The following NTRK1 variants were observed in gnomAD, a reference collection of about 807,000 sequenced individuals.
NTRK1 encodes the protein neurotrophic receptor tyrosine kinase 1.
A neutral mutation model predicts 86.8 loss-of-function variants in NTRK1; 62 were observed. The observed-to-expected ratio is 0.71, with a 90% confidence interval of 0.58 to 0.88. The LOEUF is 0.88. Among genes scored for constraint, NTRK1 ranks in the 40% least tolerant of loss-of-function variants. The pLI is 0.00. For synonymous variants in NTRK1, 469 were observed against 456.6 expected, an observed-to-expected ratio of 1.03 and a Z score of -0.35; for missense variants, 967 against 1,078.4, an observed-to-expected ratio of 0.90 and a Z score of 1.45.
intron 2 of NTRK1, chr1:156,851,671 G>C (rs1655214686): frequency 6.2e-7 from 1 of 1,614,076 alleles, no homozygotes; most frequent in Non-Finnish European, 8.5e-7. Context: ...TGAGGATGAG[G>C]CTTCCCTCCA....
intron 2 of NTRK1, chr1:156,845,198 G>A (rs889723483): frequency 6.2e-7 from 1 of 1,609,278 alleles, no homozygotes; most frequent in African/African-American, 1.3e-5. Flanking sequence ...GCTCAGCACC[G>A]CTCGCTCACG....
upstream of NTRK1, among the ~76,000 whole-genome samples, chr1:156,858,176 A>T (rs1006072861): frequency 7.2e-5 from 11 of 152,100 alleles, no homozygotes; most frequent in African/African-American, 2.7e-4. Flanking sequence ...GTTCTCAGCT[A>T]CCTATCCCAC....
chr1:156,860,801 G>T (rs1441151686), upstream of NTRK1: 7 of 1,326,718 alleles, frequency 5.3e-6, no homozygotes, highest in Non-Finnish European at 4.8e-6. Context: ...GGCCGGGCGG[G>T]GGCCGCTGGC....
chr1:156,849,165 C>G (rs921817463), intron 2 of NTRK1: 10 of 1,600,686 alleles, frequency 6.2e-6, no homozygotes, highest in Non-Finnish European at 8.5e-6. Context: ...CAGAGTGTCC[C>G]CCTCGAGCTT....
chr1:156,864,603 C>T (rs1160053467), intron 2 of NTRK1, 125 bp from the exon 3 acceptor site: 1 of 1,184,664 alleles, frequency 8.4e-7, no homozygotes, highest in Non-Finnish European at 1.2e-6. Context: ...GTTGAGGAAA[C>T]AATGAGGGGC....
intron 1 of NTRK1, among the ~76,000 whole-genome samples, chr1:156,816,480 T>C (rs1426602594): frequency 1.3e-5 from 2 of 152,238 alleles, no homozygotes; most frequent in African/African-American, 4.8e-5. Flanking sequence ...ACAAACCCTG[T>C]CACCTTTATC....
intron 15 of NTRK1, among the ~76,000 whole-genome samples, 179 bp from the exon 16 acceptor site, chr1:156,879,820 A>G (rs1295419106): frequency 2.0e-5 from 3 of 152,106 alleles, no homozygotes; most frequent in Admixed American, 6.5e-5. Context: ...CATGTTGGCC[A>G]GGATGGTCTC....
In NTRK1 at chr1:156,881,599, C is replaced by T. The variant is rs2102931425; in HGVS notation, c.2348C>T (p.Ala783Val). The T allele has an allele frequency of 1.2e-6, 2 of 1,611,164 alleles. No individual in the cohort carries two copies. The highest frequency in any genetic ancestry group is 1.7e-6 in the Non-Finnish European group (2 of 1,179,076). Reference protein sequence around the residue: ...SIKDVHARLQALAQAPPVYLD... With the variant: ...SIKDVHARLQVLAQAPPVYLD... Reference sequence around the variant, plus strand: ...AAGGATGTGCACGCCCGGCTGCAAGCCCTGGCCCAGGCACCTCCTGTCTAC... The same window carrying T: ...AAGGATGTGCACGCCCGGCTGCAAGTCCTGGCCCAGGCACCTCCTGTCTAC... The change falls in exon 17 of 17, where the codon GCC becomes GTC. Residue 783 changes from alanine (A) to valine (V), a missense_variant. Ala to Val is a moderately conservative substitution (Grantham distance 64). This residue lies in a region of NTRK1 where 637 missense variants were observed against 776.5 expected (regional missense o/e 0.82). Coordinates refer to ENST00000524377, the MANE Select transcript of NTRK1 (RefSeq NM_002529.4).
upstream of NTRK1, among the ~76,000 whole-genome samples, chr1:156,859,892 AG>A (rs1196496571): frequency 4.6e-5 from 7 of 151,974 alleles, no homozygotes; most frequent in Non-Finnish European, 8.8e-5. This position sits in a 1 kb window ranked among gnomAD's most constrained non-coding sequence, Gnocchi z 6.2. Context: ...GCAGCCACGG[AG>A]GCTTGCGCGG....
rs558577855 is a variant in NTRK1, at chr1:156,842,020, G to T, written c.-63-61G>T. 5.7e-6 allele frequency: 9 copies of T among 1,588,898 alleles called. No homozygotes were observed. The Admixed American group carries it at 1.1e-4, about 19-fold the overall frequency. Reference sequence around the variant, plus strand: ...TGACTTGCCAAGGGTCTCACAGGCTGTCAGGACCAGGGCTGTGGGTCTCCT... The same window carrying T: ...TGACTTGCCAAGGGTCTCACAGGCTTTCAGGACCAGGGCTGTGGGTCTCCT... On this transcript the variant is annotated intron_variant, in intron 1 of 16. Transcript: ENST00000392302.
intron 1 of NTRK1, among the ~76,000 whole-genome samples, chr1:156,861,531 A>T (rs1267075144): frequency 2.6e-5 from 4 of 152,174 alleles, no homozygotes; most frequent in Admixed American, 1.3e-4. Flanking sequence ...TGTCACCCTT[A>T]CTGCCTTTTT....
At chr1:156,841,462 AT>A (rs776090039) in intron 1 of NTRK1, 8 of 1,613,930 alleles carry the variant, frequency 5.0e-6, no homozygotes, top group Non-Finnish European at 6.8e-6. Flanking sequence ...GCACCTGCTC[AT>A]TGGACAGGCC....
At chr1:156,851,284 C>G in intron 2 of NTRK1, 1 of 1,614,138 alleles carries the variant, frequency 6.2e-7, no homozygotes, top group Non-Finnish European at 8.5e-7. Context: ...GAGGCCTAAC[C>G]CTTACCCATC....
At chr1:156,880,264 G>A (rs1206307584) in intron 16 of NTRK1, 107 bp downstream of exon 16, 2 of 1,261,042 alleles carry the variant, frequency 1.6e-6, no homozygotes, top group Non-Finnish European at 2.3e-6. Context: ...GCCACAGCCT[G>A]TTGGGGGGCC....
intron 1 of NTRK1, among the ~76,000 whole-genome samples, chr1:156,835,340 C>T (rs946633953): frequency 6.6e-6 from 1 of 152,102 alleles, no homozygotes; most frequent in Non-Finnish European, 1.5e-5. Flanking sequence ...TGACAGAGCC[C>T]GCGATACACA....
chr1:156,840,938 C>T (rs1431519685), intron 1 of NTRK1: 1 of 1,614,092 alleles, frequency 6.2e-7, no homozygotes. Flanking sequence ...TCAGGCTCTG[C>T]ATCGGTGGTA....
At position 156,874,574 on chromosome 1, in the gene NTRK1, C is replaced by T. The variant is rs2102909941; in HGVS notation, c.1199C>T (p.Thr400Ile). 6.2e-7 allele frequency: 1 copy of T among 1,614,188 alleles called. No homozygotes were observed. The highest frequency in any genetic ancestry group is 8.5e-7 in the Non-Finnish European group (1 of 1,180,014). ...CTCCTGCCCTGTGTCCCTACAGACA[C>T]TAACAGCACATCTGGAGACCCGGTG... Reference protein sequence around the residue: ...PIPVSFSPVDTNSTSGDPVEK... With the variant: ...PIPVSFSPVDINSTSGDPVEK... Residue 400 changes from threonine (T) to isoleucine (I), a missense_variant, in exon 10 of 17, where the codon ACT (threonine) becomes ATT (isoleucine). Coordinates refer to ENST00000524377, the MANE Select transcript of NTRK1 (RefSeq NM_002529.4).
chr1:156,842,148 A>C (rs1198447148), exon 2 of NTRK1: 1 of 1,613,750 alleles, frequency 6.2e-7, no homozygotes, highest in East Asian at 2.2e-5. Context: ...GACACCATGC[A>C]GTTGCGGGCT....
Position 156,868,531 on chromosome 1 carries a change from C to T in NTRK1, c.601C>T (p.Pro201Ser), listed in dbSNP as rs1219432341. Residue 201 changes from proline to serine, a missense_variant, in exon 6 of 17, where the codon CCC (proline) becomes TCC (serine). By Grantham distance (74) the Pro-to-Ser change is moderately conservative. Transcript: ENST00000524377. Reference protein sequence around the residue: ...CGVPTLKVQVPNASVDVGDDV... With the variant: ...CGVPTLKVQVSNASVDVGDDV... ...TGTGCCCACGCTGAAGGTCCAGGTG[C>T]CCAATGCCTCGGTGGATGTGGGGGA... is the stretch of plus-strand genomic sequence containing the variant. 8 of 1,559,172 alleles carry T rather than the reference C, an allele frequency of 5.1e-6. No homozygotes were observed. Among genetic ancestry groups the T allele is most frequent in the East Asian group, 2.4e-5 (1 of 41,588 alleles).
Sources: gnomAD v4.1 joint callset for allele counts (sites outside exome capture counted in the v4.1 genomes callset) on GRCh38, gnomAD v4.1.1 for gene constraint, gnomAD v4.1.1 regional missense constraint, Gnocchi (gnomAD v3.1) non-coding constraint, MANE v1.5 for transcripts, NCBI Gene and HGNC (gene_info 2026-07-23, HGNC 2026-07-21) for gene names.